PDE8B: variants seen among roughly 807,000 people sequenced by gnomAD.
PDE8B encodes phosphodiesterase 8B, also known as high affinity cAMP-specific and IBMX-insensitive 3',5'-cyclic phosphodiesterase 8B.
Under a neutral mutation model 101.3 loss-of-function variants are expected in PDE8B, and 26 were observed. The observed-to-expected ratio is 0.26, with a 90% CI of 0.19 to 0.36. The LOEUF is 0.36. Among genes scored for constraint, PDE8B ranks in the 10% least tolerant of loss-of-function variants. The pLI is 1.00. For missense variants in PDE8B, 810 were observed against 1,163.1 expected, an observed-to-expected ratio of 0.70 and a Z score of 4.42; for synonymous variants, 424 against 429.3, an observed-to-expected ratio of 0.99 and a Z score of 0.15.
intron 1 of PDE8B, among the ~76,000 whole-genome samples, chr5:77,258,661 T>C (rs967870159): frequency 2.0e-5 from 3 of 152,332 alleles, no homozygotes; most frequent in East Asian, 1.9e-4. Context: ...TCTGCATCTC[T>C]GAATTGTATC....
the PDE8B span, among the ~76,000 whole-genome samples, chr5:77,101,135 G>GTT: frequency 2.3e-3 from 308 of 133,286 alleles, no homozygotes; most frequent in African/African-American, 7.8e-3. Context: ...ACGCCTGCCT[G>GTT]TTTTTTTTTT....
intron 10 of PDE8B, among the ~76,000 whole-genome samples, chr5:77,381,290 C>T (rs1787405593): frequency 1.3e-5 from 2 of 152,160 alleles, no homozygotes; most frequent in South Asian, 2.1e-4. Context: ...ATGGTACCTG[C>T]GTTCTGGTAG....
At chr5:77,376,101 C>A (rs1174477465) in intron 10 of PDE8B, among the ~76,000 whole-genome samples, 1 of 151,962 alleles carries the variant, frequency 6.6e-6, no homozygotes, top group Non-Finnish European at 1.5e-5. Context: ...CATGTGCCTT[C>A]ATTTCTAGTG....
the PDE8B span, among the ~76,000 whole-genome samples, chr5:77,137,112 G>T: frequency 7.9e-5 from 12 of 152,180 alleles, no homozygotes; most frequent in Middle Eastern, 6.8e-3. Context: ...GTTGCTTTTT[G>T]TCATCATGTA....
intron 3 of PDE8B, 120 bp downstream of exon 3, chr5:77,325,849 G>A (rs3797462): frequency 0.29 from 219,110 of 755,048 alleles, 32,712 homozygotes; most frequent in South Asian, 0.35. Flanking sequence ...ATGTTTTTAA[G>A]CAGTGTATAC....
Position 77,425,791 on chromosome 5 carries a change from C to T in PDE8B, c.2443C>T (p.Leu815=). The change falls in exon 21 of 22, where the codon CTA becomes TTA. Residue 815 remains leucine, a synonymous_variant. Transcript: ENST00000264917. ...AQTDEEKRQG[L]PVVMPVFDRN... Reference sequence around the variant, plus strand: ...GACTGATGAAGAGAAGAGACAGGGACTACCTGTGGTGATGCCAGTGTTTGA... The same window carrying T: ...GACTGATGAAGAGAAGAGACAGGGATTACCTGTGGTGATGCCAGTGTTTGA... 1 of 1,612,768 alleles carries T rather than the reference C, an allele frequency of 6.2e-7. No individual in the cohort carries two copies. The highest frequency in any genetic ancestry group is 8.5e-7 in the Non-Finnish European group (1 of 1,178,772).
At chr5:77,094,349 A>T in the PDE8B span, among the ~76,000 whole-genome samples, 1 of 151,992 alleles carries the variant, frequency 6.6e-6, no homozygotes. Flanking sequence ...TCACTCTGCC[A>T]CTCAGGCTGG....
chr5:77,293,004 C>G (rs1313196888), intron 1 of PDE8B, among the ~76,000 whole-genome samples: 1 of 151,792 alleles, frequency 6.6e-6, no homozygotes, highest in African/African-American at 2.4e-5. Flanking sequence ...TTTAATCTAT[C>G]TGGAAGTAAT....
At chr5:77,105,571 G>A in the PDE8B span, 1 of 152,260 alleles carries the variant, frequency 6.6e-6, no homozygotes, top group East Asian at 1.9e-4. Flanking sequence ...TTGTAAGTAA[G>A]CCAAGGAGCA....
intron 2 of PDE8B, among the ~76,000 whole-genome samples, chr5:77,315,601 C>T (rs1376242848): frequency 1.3e-5 from 2 of 152,172 alleles, no homozygotes; most frequent in African/African-American, 2.4e-5. Flanking sequence ...TTTCATTAAT[C>T]GTGCTATTCA....
chr5:77,206,664 C>T (rs548313094), upstream of PDE8B, among the ~76,000 whole-genome samples: 59 of 152,038 alleles, frequency 3.9e-4, no homozygotes, highest in African/African-American at 1.4e-3. Flanking sequence ...GTAGGGTCTT[C>T]GAGGCACTTA....
intron 10 of PDE8B, among the ~76,000 whole-genome samples, chr5:77,364,364 A>G (rs1355170813): frequency 6.6e-6 from 1 of 152,206 alleles, no homozygotes; most frequent in Non-Finnish European, 1.5e-5. Flanking sequence ...TGTTCATCAC[A>G]TAAGATTAGA....
chr5:77,123,204 C>T, the PDE8B span, among the ~76,000 whole-genome samples: 1 of 151,994 alleles, frequency 6.6e-6, no homozygotes, highest in Non-Finnish European at 1.5e-5. Flanking sequence ...TAGGCAATCT[C>T]TGCAGAGTCC....
At chr5:77,143,952 G>A in the PDE8B span, 2 of 148,598 alleles carry the variant, frequency 1.3e-5, no homozygotes, top group East Asian at 2.0e-4. Context: ...GCATACATCA[G>A]TATTTGGGAA....
chr5:77,156,568 T>C, the PDE8B span, among the ~76,000 whole-genome samples: 26 of 152,306 alleles, frequency 1.7e-4, no homozygotes, highest in Admixed American at 1.6e-3. Flanking sequence ...CCAAGATGAA[T>C]AAGGCCATTG....
intron 18 of PDE8B, 81 bp from the exon 19 acceptor site, chr5:77,419,686 G>C: frequency 6.6e-7 from 1 of 1,516,170 alleles, no homozygotes; most frequent in Non-Finnish European, 9.1e-7. Flanking sequence ...TAGGTTGTGA[G>C]GAGTGTAGTG....
chr5:77,184,598 C>G, the PDE8B span, among the ~76,000 whole-genome samples: 20 of 152,060 alleles, frequency 1.3e-4, no homozygotes, highest in Admixed American at 1.3e-3. Context: ...GTTTTTGGTA[C>G]CCTGGCTTTT....
intron 1 of PDE8B, among the ~76,000 whole-genome samples, chr5:77,283,805 C>T (rs1765485515): frequency 6.6e-6 from 1 of 152,142 alleles, no homozygotes. Flanking sequence ...CATCTGTGTG[C>T]ACGTTTTGTG....
chr5:77,404,620 A>G, intron 11 of PDE8B, 100 bp from the exon 12 acceptor site: 1 of 762,348 alleles, frequency 1.3e-6, no homozygotes, highest in African/African-American at 1.7e-5. Context: ...TTAAAAAGTA[A>G]CCTTGTTTTC....
Sources: allele counts gnomAD v4.1 joint callset (sites outside exome capture counted in the v4.1 genomes callset), GRCh38; gene constraint gnomAD v4.1.1; transcripts MANE v1.5; gene names NCBI Gene and HGNC (gene_info 2026-07-23, HGNC 2026-07-21).